The following SPINK2 variants were observed in gnomAD, a reference collection of about 807,000 sequenced individuals.
SPINK2 encodes the protein serine peptidase inhibitor Kazal type 2, also known as serine protease inhibitor Kazal-type 2.
Under a neutral mutation model 13.5 loss-of-function variants are expected in SPINK2, and 8 were observed. That is an observed-to-expected ratio of 0.59 (90% CI 0.35 to 1.07). The LOEUF (loss-of-function observed/expected upper bound fraction) is 1.07. Among genes scored for constraint, SPINK2 ranks in the 50% least tolerant of loss-of-function variants. The pLI is 0.02. For synonymous variants in SPINK2, 76 were observed against 74.7 expected (o/e 1.02, Z -0.09); for missense variants, 148 against 180.3 (o/e 0.82, Z 1.03).
rs754178021 is a variant in SPINK2, at chr4:56,810,114, ATCT to A, written c.*22_*24del. 195 of 1,599,326 alleles carry A rather than the reference ATCT, an allele frequency of 1.2e-4. No homozygotes were observed. The highest frequency in any genetic ancestry group is 1.6e-4 in the Non-Finnish European group (189 of 1,172,434). ...GTCTGCCAGTGAAGGTGGTCTCTCC[ATCT>A]TCTTTTCTGTAAACTGCTCCATCAG... On this transcript the variant is annotated 3_prime_UTR_variant, in exon 4 of 4. Transcript: ENST00000506738.
upstream of SPINK2, chr4:56,821,810 G>C: frequency 1.2e-6 from 1 of 862,860 alleles, no homozygotes; most frequent in Non-Finnish European, 1.6e-6. Flanking sequence ...AGGGAAGAGG[G>C]GCGGCGGGAA....
At chr4:56,820,718 G>T in intron 1 of SPINK2, 139 bp from the exon 2 acceptor site, 1 of 642,862 alleles carries the variant, frequency 1.6e-6, no homozygotes, top group Non-Finnish European at 2.7e-6. Flanking sequence ...CGATCTTCCT[G>T]CCTAGGCCTC....
At chr4:56,813,560 G>C (rs1717172800) in intron 2 of SPINK2, among the ~76,000 whole-genome samples, 1 of 151,798 alleles carries the variant, frequency 6.6e-6, no homozygotes, top group Non-Finnish European at 1.5e-5. Flanking sequence ...TCTCATAGGA[G>C]CACGAACCCT....
upstream of SPINK2, chr4:56,821,750 C>CG (rs1436796056): frequency 1.7e-6 from 2 of 1,190,190 alleles, no homozygotes; most frequent in South Asian, 3.7e-5. Flanking sequence ...GCGGGGAGGG[C>CG]GGGGGAAGGG....
intron 2 of SPINK2, among the ~76,000 whole-genome samples, chr4:56,814,910 G>A (rs1717304200): frequency 6.7e-6 from 1 of 148,544 alleles, no homozygotes; most frequent in South Asian, 2.1e-4. Flanking sequence ...GCAGTGAGCC[G>A]AGATCATGCC....
At chr4:56,817,208 C>A (rs1419479891) in intron 2 of SPINK2, among the ~76,000 whole-genome samples, 1 of 151,908 alleles carries the variant, frequency 6.6e-6, no homozygotes. Context: ...TCTCAAAAAA[C>A]AAAAACAAAA....
At position 56,821,465 on chromosome 4, in the gene SPINK2, G is replaced by C. The variant is rs1263552707; in HGVS notation, c.198C>G (p.Asp66Glu). The change falls in exon 1 of 4, where the codon GAC becomes GAG. Residue 66 changes from aspartate to glutamate, a missense_variant. By Grantham distance (45) the Asp-to-Glu change is conservative. Transcript: ENST00000506738. Reference sequence around the variant, plus strand: ...CAGTTCGCGTTCCTCCACCTGGCAGGTCCTCTGGGGAACCGCCAGTAACGG... The same window carrying C: ...CAGTTCGCGTTCCTCCACCTGGCAGCTCCTCTGGGGAACCGCCAGTAACGG... ...RAPVTGGSPEDLPASLIPQFG... is the reference protein window; with the variant it reads ...RAPVTGGSPEELPASLIPQFG... 2.0e-6 allele frequency: 3 copies of C among 1,524,972 alleles called. No individual in the cohort carries two copies. Among genetic ancestry groups the C allele is most frequent in the East Asian group, 5.0e-5 (2 of 40,008 alleles). 94.5% of individuals were successfully genotyped at this position (1,524,972 alleles called of 1,614,324 possible).
rs752574456 is a variant in SPINK2, at chr4:56,821,659, C to G, written c.4G>C (p.Ala2Pro). The G allele has an allele frequency of 3.8e-5, 59 of 1,535,062 alleles. No homozygotes were observed. The highest frequency in any genetic ancestry group is 7.5e-5 in the East Asian group (3 of 40,026). M[A>P]LSVLRLALLL... is the part of the protein sequence containing the mutation. ...AGCGCCAAGCGCAGCACCGACAGCGCCATCCTCCTCCCGCGCCGGCTGTCT... is the reference window on the plus strand; with the variant it reads ...AGCGCCAAGCGCAGCACCGACAGCGGCATCCTCCTCCCGCGCCGGCTGTCT... The change falls in exon 1 of 4, where the codon GCG (alanine) becomes CCG (proline). Residue 2 changes from alanine to proline, a missense_variant. Transcript: ENST00000506738.
intron 2 of SPINK2, among the ~76,000 whole-genome samples, chr4:56,814,974 A>C (rs1217116119): frequency 6.6e-6 from 1 of 151,128 alleles, no homozygotes; most frequent in African/African-American, 2.4e-5. Flanking sequence ...AAAAAAAAAA[A>C]AAAAAAAAAC....
chr4:56,813,987 G>T (rs949606435), intron 2 of SPINK2, among the ~76,000 whole-genome samples: 1 of 137,554 alleles, frequency 7.3e-6, no homozygotes, highest in East Asian at 2.2e-4. Flanking sequence ...GCAGTGGCGC[G>T]ATCTTGGCTC....
chr4:56,820,640 A>G, intron 1 of SPINK2, 61 bp from the exon 2 acceptor site: 2 of 1,396,954 alleles, frequency 1.4e-6, no homozygotes, highest in Non-Finnish European at 2.0e-6. Context: ...TTGTTCATGA[A>G]GTTTTTTTTT....
chr4:56,815,560 C>T (rs1000916461), intron 2 of SPINK2, among the ~76,000 whole-genome samples: 1 of 151,806 alleles, frequency 6.6e-6, no homozygotes, highest in Non-Finnish European at 1.5e-5. Flanking sequence ...ATTAGCCAGG[C>T]GTGGTGGCAG....
intron 1 of SPINK2, 67 bp from the exon 2 acceptor site, chr4:56,820,646 T>C (rs1717858998): frequency 2.1e-6 from 3 of 1,406,914 alleles, no homozygotes; most frequent in Non-Finnish European, 3.0e-6. Context: ...ATGAAGTTTT[T>C]TTTTTTTTTA....
intron 3 of SPINK2, among the ~76,000 whole-genome samples, chr4:56,811,240 C>A (rs893691719): frequency 6.6e-6 from 1 of 152,146 alleles, no homozygotes; most frequent in Admixed American, 6.5e-5. Flanking sequence ...AAGCATGACC[C>A]TGAAAACTGA....
chr4:56,821,684 T>C lies in SPINK2; in HGVS notation c.-22A>G, dbSNP rs532589405. 172 of 1,502,714 alleles carry C rather than the reference T, an allele frequency of 1.1e-4. 2 individuals are homozygous for C. The East Asian group carries it at 3.3e-3, about 29-fold the overall frequency. The allele number at this position is 1,502,714 out of a possible 1,614,324, so 93.1% of individuals were successfully genotyped here. ...CCATCCTCCTCCCGCGCCGGCTGTC[T>C]TGCCCCTGCGGTCTGTTACCTGCGC... On this transcript the variant is annotated 5_prime_UTR_variant, in exon 1 of 4. Transcript: ENST00000506738.
intron 2 of SPINK2, among the ~76,000 whole-genome samples, chr4:56,819,062 G>A (rs1717704530): frequency 2.0e-5 from 3 of 152,094 alleles, no homozygotes. Flanking sequence ...CTTGGCCAAG[G>A]GGATAATAAT....
chr4:56,821,366 C>A, intron 1 of SPINK2, 92 bp downstream of exon 1: 5 of 1,415,302 alleles, frequency 3.5e-6, no homozygotes, highest in Non-Finnish European at 4.6e-6. Context: ...GGCAGGTGTC[C>A]TTAGAGCTGG....
At chr4:56,819,831 G>C (rs781540) in intron 2 of SPINK2, among the ~76,000 whole-genome samples, 12,059 of 152,054 alleles carry the variant, frequency 0.079, 602 homozygotes, top group Non-Finnish European at 0.11. Context: ...TAGCCAGCAT[G>C]GTCTTGATTT....
In SPINK2 at chr4:56,821,656, G is replaced by A. The variant is rs1258056142; in HGVS notation, c.7C>T (p.Leu3=). Residue 3 remains leucine, a synonymous_variant, in exon 1 of 4, where the codon CTG becomes TTG. Transcript: ENST00000506738. ...AGCAGCGCCAAGCGCAGCACCGACAGCGCCATCCTCCTCCCGCGCCGGCTG... is the reference window on the plus strand; with the variant it reads ...AGCAGCGCCAAGCGCAGCACCGACAACGCCATCCTCCTCCCGCGCCGGCTG... The part of the protein sequence containing the change: MA[L]SVLRLALLLL... The A allele has an allele frequency of 6.5e-7, 1 of 1,538,228 alleles. No individual in the cohort carries two copies. The highest frequency in any genetic ancestry group is 8.7e-7 in the Non-Finnish European group (1 of 1,143,812).
Sources: gnomAD v4.1 joint callset for allele counts (sites outside exome capture counted in the v4.1 genomes callset) on GRCh38, gnomAD v4.1.1 for gene constraint, MANE v1.5 for transcripts, NCBI Gene and HGNC (gene_info 2026-07-23, HGNC 2026-07-21) for gene names.